Variants in NCALD observed in about 807,000 individuals in gnomAD.
NCALD encodes neurocalcin delta.
A neutral mutation model predicts 18.6 loss-of-function variants in NCALD; 10 were observed. The ratio of observed to expected loss-of-function variants is 0.54; its 90% CI spans 0.33 to 0.91. The LOEUF (loss-of-function observed/expected upper bound fraction) is 0.91. Ranked by LOEUF, NCALD falls within the 40% of genes least tolerant of loss-of-function variation. The pLI is 0.03. For missense variants in NCALD, 184 were observed against 247.6 expected, an observed-to-expected ratio of 0.74 and a Z score of 1.72; for synonymous variants, 88 against 87.4, an observed-to-expected ratio of 1.01 and a Z score of -0.04.
intron 1 of NCALD, among the ~76,000 whole-genome samples, chr8:101,744,102 C>T (rs1333683357): frequency 6.6e-6 from 1 of 152,230 alleles, no homozygotes; most frequent in Non-Finnish European, 1.5e-5. Flanking sequence ...GGCCCTGGGC[C>T]ATCATGCTAC....
intron 2 of NCALD, among the ~76,000 whole-genome samples, chr8:102,017,167 G>A (rs997043286): frequency 1.3e-5 from 2 of 152,012 alleles, no homozygotes; most frequent in African/African-American, 4.8e-5. Context: ...TACCAAACAG[G>A]GGAGAGAAAG....
intron 3 of NCALD, chr8:101,691,342 T>A: frequency 1.0e-6 from 1 of 985,460 alleles, no homozygotes; most frequent in Non-Finnish European, 1.2e-6. Context: ...AGCAGTAAGT[T>A]GTGCTCTGAG....
chr8:101,980,845 T>G (rs1455231225), intron 2 of NCALD, among the ~76,000 whole-genome samples: 1 of 152,210 alleles, frequency 6.6e-6, no homozygotes, highest in Non-Finnish European at 1.5e-5. Flanking sequence ...CAGGCCATTT[T>G]AAGCCCTATT....
chr8:101,807,405 T>G (rs1473446634), intron 4 of NCALD, among the ~76,000 whole-genome samples: 1 of 152,150 alleles, frequency 6.6e-6, no homozygotes, highest in East Asian at 1.9e-4. Flanking sequence ...AGAGCAAAGC[T>G]GTATTAGAGT....
intron 1 of NCALD, among the ~76,000 whole-genome samples, chr8:101,745,422 C>T (rs1223292946): frequency 1.3e-5 from 2 of 152,168 alleles, no homozygotes; most frequent in Admixed American, 6.5e-5. Flanking sequence ...CAGCTTCCCT[C>T]ATACTGTGTC....
At chr8:102,118,543 A>T (rs1258370927) in intron 1 of NCALD, among the ~76,000 whole-genome samples, 2 of 152,208 alleles carry the variant, frequency 1.3e-5, no homozygotes, top group African/African-American at 4.8e-5. Flanking sequence ...CATGAGTGCT[A>T]TTATTAGCAA....
intron 1 of NCALD, among the ~76,000 whole-genome samples, chr8:102,031,482 T>C (rs1822667886): frequency 6.6e-6 from 1 of 152,210 alleles, no homozygotes; most frequent in South Asian, 2.1e-4. Context: ...GGTGAAGTTC[T>C]CTTTCCTGGC....
At chr8:101,707,505 AT>A (rs34070567) in intron 2 of NCALD, among the ~76,000 whole-genome samples, 1 of 152,108 alleles carries the variant, frequency 6.6e-6, no homozygotes, top group South Asian at 2.1e-4. Flanking sequence ...GAATCAGAAA[AT>A]TTTTTTCCCA....
intron 3 of NCALD, chr8:101,691,896 G>C (rs775312675): frequency 1.1e-5 from 11 of 985,322 alleles, no homozygotes; most frequent in East Asian, 1.1e-4. Context: ...TGAACAGATC[G>C]GGTGAGCTGA....
At chr8:101,789,652 C>T (rs1306197970) in intron 1 of NCALD, among the ~76,000 whole-genome samples, 5 of 152,144 alleles carry the variant, frequency 3.3e-5, no homozygotes, top group African/African-American at 7.2e-5. Flanking sequence ...TTCATATATA[C>T]AGTTAAACCA....
intron 2 of NCALD, among the ~76,000 whole-genome samples, chr8:101,921,744 A>G (rs978144975): frequency 3.9e-5 from 6 of 152,170 alleles, no homozygotes; most frequent in Admixed American, 2.6e-4. Flanking sequence ...CTTATCTAAG[A>G]CAGATTCTTA....
At position 102,010,056 on chromosome 8, in the gene NCALD, T is replaced by C. The variant is rs1821851929; in HGVS notation, c.-157+10181A>G. On this transcript the variant is annotated intron_variant, in intron 2 of 6. Coordinates refer to the NCALD transcript ENST00000311028. Reference sequence around the variant, plus strand: ...TGTTGTGGAGTCCTGATAAGATAAGTAAGCAACAACGAGGAAGGGGCCCCA... The same window carrying C: ...TGTTGTGGAGTCCTGATAAGATAAGCAAGCAACAACGAGGAAGGGGCCCCA... 2.0e-5 allele frequency among the ~76,000 whole-genome samples: 3 copies of C among 152,220 alleles called. No homozygotes were observed. The South Asian group carries it at 6.2e-4, about 32-fold the overall frequency.
At chr8:101,714,064 C>G (rs1442126591) in intron 2 of NCALD, among the ~76,000 whole-genome samples, 1 of 152,190 alleles carries the variant, frequency 6.6e-6, no homozygotes, top group Non-Finnish European at 1.5e-5. Flanking sequence ...TGGAAGCATT[C>G]CCTTTGAAAA....
intron 3 of NCALD, among the ~76,000 whole-genome samples, chr8:101,905,276 CCT>C (rs58447809): frequency 0.092 from 13,266 of 144,056 alleles, 1,173 homozygotes; most frequent in African/African-American, 0.25. Flanking sequence ...TCTCTCCTCT[CCT>C]CTCTCTCTCT....
intron 2 of NCALD, among the ~76,000 whole-genome samples, chr8:101,935,227 G>T (rs1173638970): frequency 1.3e-5 from 2 of 152,020 alleles, no homozygotes; most frequent in Non-Finnish European, 2.9e-5. Context: ...ATATAATGAT[G>T]AAGTAGGAGA....
At chr8:101,933,612 T>C (rs764912215) in intron 2 of NCALD, among the ~76,000 whole-genome samples, 1 of 152,216 alleles carries the variant, frequency 6.6e-6, no homozygotes, top group South Asian at 2.1e-4. Flanking sequence ...ATCCTGCAAC[T>C]GCCTTTCCAT....
chr8:101,955,502 C>T (rs528710743), intron 2 of NCALD, among the ~76,000 whole-genome samples: 13 of 152,236 alleles, frequency 8.5e-5, no homozygotes, highest in Admixed American at 2.0e-4. Context: ...GTGACTCTTA[C>T]CCATTTGCTC....
chr8:101,761,006 G>C (rs1811085455), intron 1 of NCALD, among the ~76,000 whole-genome samples: 1 of 124,606 alleles, frequency 8.0e-6, no homozygotes, highest in African/African-American at 3.0e-5. Flanking sequence ...AGTTTGAACA[G>C]ATGTTCACAT....
chr8:101,933,849 C>T (rs560319077), intron 2 of NCALD, among the ~76,000 whole-genome samples: 1 of 152,182 alleles, frequency 6.6e-6, no homozygotes, highest in Non-Finnish European at 1.5e-5. Context: ...GTAGGGGCTA[C>T]AGAAAAGGAT....
Sources: allele counts gnomAD v4.1 joint callset (sites outside exome capture counted in the v4.1 genomes callset), GRCh38; gene constraint gnomAD v4.1.1; transcripts MANE v1.5; gene names NCBI Gene and HGNC (gene_info 2026-07-23, HGNC 2026-07-21).